The following ADGRG7 variants were observed in gnomAD, a reference collection of about 807,000 sequenced individuals.
ADGRG7 encodes adhesion G protein-coupled receptor G7.
Under a neutral mutation model 88.6 loss-of-function variants are expected in ADGRG7, and 82 were observed. That is an observed-to-expected ratio of 0.93 (90% confidence interval 0.77 to 1.11). The LOEUF is 1.11. Among genes scored for constraint, ADGRG7 ranks in the 50% most tolerant of loss-of-function variants. ADGRG7 has a pLI of 0.00. For synonymous variants in ADGRG7, 381 were observed against 345.2 expected (o/e 1.10, Z -1.15); for missense variants, 945 against 953.4 (o/e 0.99, Z 0.12).
intron 13 of ADGRG7, among the ~76,000 whole-genome samples, chr3:100,658,261 C>T (rs1382999192): frequency 2.6e-5 from 4 of 152,312 alleles, no homozygotes; most frequent in East Asian, 1.9e-4. Flanking sequence ...CTTAACATCT[C>T]CTCTCCTGGT....
intron 15 of ADGRG7, among the ~76,000 whole-genome samples, chr3:100,693,096 C>G (rs2094996602): frequency 6.6e-6 from 1 of 152,060 alleles, no homozygotes; most frequent in Non-Finnish European, 1.5e-5. Context: ...CATTTTTGGG[C>G]TTTTAGGAAG....
In ADGRG7 at chr3:100,645,939, C is replaced by A; in HGVS notation, c.947-6C>A. 1 of 1,611,242 alleles carries A rather than the reference C, an allele frequency of 6.2e-7. No homozygotes were observed. Reference sequence around the variant, plus strand: ...TATTGATTTTAATGTCTTTTTCTCCCTATAGATTACACCAAGACATGCGGC... The same window carrying A: ...TATTGATTTTAATGTCTTTTTCTCCATATAGATTACACCAAGACATGCGGC... On this transcript the variant is annotated splice_region_variant and splice_polypyrimidine_tract_variant and intron_variant, in intron 8 of 15. Coordinates refer to ENST00000273352, the MANE Select transcript of ADGRG7 (RefSeq NM_032787.3).
intron 15 of ADGRG7, among the ~76,000 whole-genome samples, chr3:100,673,737 G>A (rs1269448509): frequency 2.0e-5 from 3 of 152,154 alleles, no homozygotes; most frequent in South Asian, 2.1e-4. Context: ...GATTACAGGC[G>A]TGAGCCACCG....
At chr3:100,689,265 G>A (rs1213885729) in intron 15 of ADGRG7, among the ~76,000 whole-genome samples, 5 of 152,110 alleles carry the variant, frequency 3.3e-5, no homozygotes, top group African/African-American at 7.2e-5. Context: ...TTGAGCCTAT[G>A]TGTGTCTCTG....
chr3:100,655,477 A>G (rs1320157614), intron 12 of ADGRG7, among the ~76,000 whole-genome samples: 1 of 152,214 alleles, frequency 6.6e-6, no homozygotes, highest in Non-Finnish European at 1.5e-5. Flanking sequence ...ACAAATAATT[A>G]ACTTCCAGCT....
intron 10 of ADGRG7, among the ~76,000 whole-genome samples, chr3:100,648,783 A>C (rs1707800172): frequency 7.1e-6 from 1 of 141,804 alleles, no homozygotes. Flanking sequence ...TGCTTTTCTA[A>C]TTTTAACAAC....
Position 100,681,321 on chromosome 3 carries a change from T to C in ADGRG7, c.2136+12216T>C, listed in dbSNP as rs1903743. Among the ~76,000 whole-genome samples, 1,006 of 150,550 alleles carry C rather than the reference T, an allele frequency of 6.7e-3. 11 individuals carry two copies. Among genetic ancestry groups the C allele is most frequent in the African/African-American group, 0.022 (911 of 40,866 alleles). On this transcript the variant is annotated intron_variant, in intron 15 of 15. Coordinates refer to ENST00000273352, the MANE Select transcript of ADGRG7 (RefSeq NM_032787.3). ...TTTTCTTTTCTTTTTTTTTTTTTTC[T>C]TTTTTTTGAGACAGGGTCTCACTCT...
At chr3:100,649,457 A>G (rs1442157162) in intron 10 of ADGRG7, among the ~76,000 whole-genome samples, 1 of 152,204 alleles carries the variant, frequency 6.6e-6, no homozygotes, top group Admixed American at 6.5e-5. Flanking sequence ...ACATGACTGT[A>G]TATTTTTCCT....
intron 15 of ADGRG7, among the ~76,000 whole-genome samples, chr3:100,671,615 C>T (rs2094958800): frequency 6.6e-6 from 1 of 152,158 alleles, no homozygotes; most frequent in Non-Finnish European, 1.5e-5. Flanking sequence ...GTGTTTTAGT[C>T]ATGAAGTCTT....
At chr3:100,614,171 A>G (rs1034894830) in intron 1 of ADGRG7, among the ~76,000 whole-genome samples, 1 of 152,226 alleles carries the variant, frequency 6.6e-6, no homozygotes, top group African/African-American at 2.4e-5. Flanking sequence ...CCTTGAATAG[A>G]TACCATTGAC....
intron 3 of ADGRG7, among the ~76,000 whole-genome samples, chr3:100,632,370 T>C (rs1707469960): frequency 6.6e-6 from 1 of 152,180 alleles, no homozygotes; most frequent in African/African-American, 2.4e-5. Context: ...GCAATTTTCC[T>C]TTTAGTCTTA....
intron 1 of ADGRG7, among the ~76,000 whole-genome samples, chr3:100,624,219 A>G (rs1576313860): frequency 6.6e-6 from 1 of 152,324 alleles, no homozygotes; most frequent in Non-Finnish European, 1.5e-5. Context: ...TAACTCTTTA[A>G]TAATCACCAT....
chr3:100,654,204 C>G (rs968416186), intron 11 of ADGRG7: 3 of 152,194 alleles, frequency 2.0e-5, no homozygotes, highest in African/African-American at 7.2e-5. Flanking sequence ...ACTAGGTTGT[C>G]TCACGTGGAG....
rs748507904 is a variant in ADGRG7 at position 100,654,846 on chromosome 3, A to G, written c.1391A>G (p.Lys464Arg). The change falls in exon 12 of 16, where the codon AAA becomes AGA. Residue 464 changes from lysine to arginine, a missense_variant. Physicochemically the swap from Lys to Arg is conservative, Grantham distance 26 (BLOSUM62 2). Coordinates refer to ENST00000273352, the MANE Select transcript of ADGRG7 (RefSeq NM_032787.3). Reference sequence around the variant, plus strand: ...TTACTTATTTTCAGGAAAGTCAGAAAAACCTCAGTAACCTGGGTTTTGGTC... The same window carrying G: ...TTACTTATTTTCAGGAAAGTCAGAAGAACCTCAGTAACCTGGGTTTTGGTC... ...IFQIVTRKVR[K>R]TSVTWVLVNL... is the part of the protein sequence containing the mutation. 2 of 1,552,380 alleles carry G rather than the reference A, an allele frequency of 1.3e-6. No individual in the cohort carries two copies. The highest frequency in any genetic ancestry group is 1.7e-6 in the Non-Finnish European group (2 of 1,149,450).
intron 15 of ADGRG7, among the ~76,000 whole-genome samples, chr3:100,684,287 AG>A (rs1462898867): frequency 6.6e-6 from 1 of 150,812 alleles, no homozygotes; most frequent in Admixed American, 6.6e-5. Context: ...TTATTGAGAC[AG>A]GGTCTTTCTC....
intron 1 of ADGRG7, among the ~76,000 whole-genome samples, chr3:100,628,164 G>A (rs1707407177): frequency 6.6e-6 from 1 of 152,082 alleles, no homozygotes; most frequent in Non-Finnish European, 1.5e-5. Flanking sequence ...TTCTGCCATA[G>A]AGACTGGGTA....
intron 15 of ADGRG7, among the ~76,000 whole-genome samples, chr3:100,692,722 G>A (rs2094996002): frequency 6.6e-6 from 1 of 152,112 alleles, no homozygotes; most frequent in South Asian, 2.1e-4. Flanking sequence ...AAATGGAGTA[G>A]TGGGGCAATA....
intron 15 of ADGRG7, among the ~76,000 whole-genome samples, chr3:100,675,325 A>T (rs186764073): frequency 0.033 from 4,969 of 151,916 alleles, 277 homozygotes; most frequent in African/African-American, 0.11. Flanking sequence ...ATTTTATAAA[A>T]TTTTTTTTAG....
rs1248357774 is a variant in ADGRG7, at chr3:100,637,583, A to G, written c.698+181A>G. The G allele has an allele frequency of 9.0e-6, 5 of 556,734 alleles. No individual in the cohort carries two copies. In the East Asian group the frequency reaches 1.2e-4, roughly 14 times the overall value. The allele number at this position is 556,734 out of a possible 1,614,324, so 34.5% of individuals were successfully genotyped here. Reference sequence around the variant, plus strand: ...CTTTAGTTACTAGATGGAGTGGTATATGTTACCTCCTGCATCCAGGGGTGC... The same window carrying G: ...CTTTAGTTACTAGATGGAGTGGTATGTGTTACCTCCTGCATCCAGGGGTGC... On this transcript the variant is annotated intron_variant, in intron 6 of 15. Coordinates refer to ENST00000273352, the MANE Select transcript of ADGRG7 (RefSeq NM_032787.3).
Sources: allele counts gnomAD v4.1 joint callset (sites outside exome capture counted in the v4.1 genomes callset), GRCh38; gene constraint gnomAD v4.1.1; transcripts MANE v1.5; gene names NCBI Gene and HGNC (gene_info 2026-07-23, HGNC 2026-07-21).